CARMIL1: variants seen among roughly 807,000 people sequenced by gnomAD.
CARMIL1 encodes capping protein regulator and myosin 1 linker 1, also known as F-actin-uncapping protein LRRC16A.
In CARMIL1, 90 loss-of-function variants were observed where a neutral mutation model predicts 177.1. That is an observed-to-expected ratio of 0.51 (90% CI 0.43 to 0.61). The LOEUF is 0.61. CARMIL1 is among the 20% of genes least tolerant of loss of function. The probability of loss-of-function intolerance (pLI) is 0.00; values close to 1 mark genes in which losing one functional copy is unlikely to be tolerated. For missense variants in CARMIL1, 1,380 were observed against 1,667.0 expected (o/e 0.83, Z 3.00); for synonymous variants, 577 against 606.2 (o/e 0.95, Z 0.71).
At chr6:25,412,052 T>C (rs1007992953) in intron 2 of CARMIL1, among the ~76,000 whole-genome samples, 10 of 152,204 alleles carry the variant, frequency 6.6e-5, no homozygotes, top group African/African-American at 2.4e-4. Context: ...TTGTTCATGG[T>C]TAGGCCACTT....
At chr6:25,338,914 C>T (rs1405207903) in intron 2 of CARMIL1, among the ~76,000 whole-genome samples, 2 of 151,386 alleles carry the variant, frequency 1.3e-5, no homozygotes, top group African/African-American at 4.9e-5. Flanking sequence ...CCCATTGTTT[C>T]TGAATTTGAG....
intron 34 of CARMIL1, among the ~76,000 whole-genome samples, chr6:25,605,522 G>A (rs1815867501): frequency 6.6e-6 from 1 of 152,092 alleles, no homozygotes; most frequent in Admixed American, 6.5e-5. Context: ...TTTGCCAGTT[G>A]TCTTGTTAAA....
intron 11 of CARMIL1, chr6:25,479,122 A>G: frequency 1.9e-6 from 1 of 519,012 alleles, no homozygotes; most frequent in Non-Finnish European, 3.8e-6. Flanking sequence ...CACTACCAAG[A>G]TCAAGAGACA....
At chr6:25,304,543 AG>A (rs1339916181) in intron 2 of CARMIL1, among the ~76,000 whole-genome samples, 3 of 152,166 alleles carry the variant, frequency 2.0e-5, no homozygotes, top group Non-Finnish European at 4.4e-5. Context: ...AGTTCACAGT[AG>A]GGTTCACGCT....
At chr6:25,490,332 C>CAG (rs1050152518) in intron 13 of CARMIL1, among the ~76,000 whole-genome samples, 6 of 151,876 alleles carry the variant, frequency 4.0e-5, no homozygotes, top group Non-Finnish European at 8.8e-5. Context: ...GCCAGGCAAA[C>CAG]AGAGAGAGAG....
At chr6:25,325,028 T>C (rs1294940183) in intron 2 of CARMIL1, among the ~76,000 whole-genome samples, 1 of 152,136 alleles carries the variant, frequency 6.6e-6, no homozygotes, top group Non-Finnish European at 1.5e-5. Context: ...CTTCATCTGC[T>C]TTGGAGCTTG....
At chr6:25,316,970 C>T (rs758545319) in intron 2 of CARMIL1, among the ~76,000 whole-genome samples, 2 of 151,998 alleles carry the variant, frequency 1.3e-5, no homozygotes, top group Non-Finnish European at 2.9e-5. Context: ...AGCATTAGGC[C>T]CTTAGTTTTT....
At chr6:25,312,026 G>A (rs1259271515) in intron 2 of CARMIL1, among the ~76,000 whole-genome samples, 1 of 152,188 alleles carries the variant, frequency 6.6e-6, no homozygotes, top group Non-Finnish European at 1.5e-5. Context: ...TACAACAAAA[G>A]GGTAAAATAT....
At chr6:25,531,087 C>T (rs1454471533) in intron 24 of CARMIL1, among the ~76,000 whole-genome samples, 1 of 152,020 alleles carries the variant, frequency 6.6e-6, no homozygotes, top group East Asian at 1.9e-4. Flanking sequence ...GTTTTTATTT[C>T]GTGGAATCAA....
Position 25,554,073 on chromosome 6 carries a change from C to T in CARMIL1, c.2569C>T (p.Leu857Phe). 1 of 1,597,012 alleles carries T rather than the reference C, an allele frequency of 6.3e-7. No homozygotes were observed. Among genetic ancestry groups the T allele is most frequent in the South Asian group, 1.1e-5 (1 of 87,544 alleles). ...DRIVDEILDA[L>F]SHCHHKLADH... ...AATTGTGGATGAAATCCTGGATGCA[C>T]TCTCACATTGCCATCATAAACTGGT... Residue 857 changes from leucine (L) to phenylalanine (F), a missense_variant, in exon 28 of 37, where the codon CTC becomes TTC. Physicochemically the swap from Leu to Phe is conservative, Grantham distance 22. Transcript: ENST00000329474. This position sits in a 1 kb window ranked among gnomAD's most constrained non-coding sequence, Gnocchi z 4.6.
intron 4 of CARMIL1, among the ~76,000 whole-genome samples, chr6:25,427,725 G>T (rs192548749): frequency 7.7e-4 from 118 of 152,274 alleles, no homozygotes; most frequent in African/African-American, 2.4e-3. Context: ...CACTGGTATA[G>T]TCAGTCTTTT....
chr6:25,405,031 G>A (rs9461161), intron 2 of CARMIL1, among the ~76,000 whole-genome samples: 67,696 of 137,648 alleles, frequency 0.49, 15,377 homozygotes, highest in Middle Eastern at 0.63. Context: ...ACCCGTCAAC[G>A]TTTCACTTCC....
At position 25,488,470 on chromosome 6, in the gene CARMIL1, T is replaced by C. The variant is rs1304132376; in HGVS notation, c.962-12T>C. On this transcript the variant is annotated splice_polypyrimidine_tract_variant and intron_variant, in intron 12 of 36. Coordinates refer to ENST00000329474, the MANE Select transcript of CARMIL1 (RefSeq NM_017640.6). ...GAGTGCAAACTGAGCCTGGATTTTC[T>C]TGATGTTGCAGGGGTGAACAGCCTT... 6.2e-7 allele frequency: 1 copy of C among 1,608,104 alleles called. No homozygotes were observed.
intron 23 of CARMIL1, among the ~76,000 whole-genome samples, chr6:25,522,120 C>T (rs1011216970): frequency 1.3e-5 from 2 of 152,190 alleles, no homozygotes. Context: ...ATTAGCTTTC[C>T]TTCCCTCTGT....
intron 26 of CARMIL1, among the ~76,000 whole-genome samples, chr6:25,540,846 A>T (rs573791975): frequency 6.6e-6 from 1 of 152,360 alleles, no homozygotes; most frequent in Non-Finnish European, 1.5e-5. Context: ...ATAACTTTGC[A>T]GCATGTTAAT....
Position 25,606,076 on chromosome 6 carries a change from C to T in CARMIL1, c.3650C>T (p.Pro1217Leu), listed in dbSNP as rs1363109139. 2 of 1,613,538 alleles carry T rather than the reference C, an allele frequency of 1.2e-6. No individual in the cohort carries two copies. Among genetic ancestry groups the T allele is most frequent in the African/African-American group, 1.3e-5 (1 of 75,002 alleles). Reference protein sequence around the residue: ...DGGGAVPKLHPGLPENRFGLG... With the variant: ...DGGGAVPKLHLGLPENRFGLG... Reference sequence around the variant, plus strand: ...TTCATCTTAGTGCCTAAACTGCACCCAGGTCTTCCAGAGAACCGCTTTGGT... The same window carrying T: ...TTCATCTTAGTGCCTAAACTGCACCTAGGTCTTCCAGAGAACCGCTTTGGT... The change falls in exon 35 of 37, where the codon CCA becomes CTA. Residue 1217 changes from proline to leucine, a missense_variant. Coordinates refer to ENST00000329474, the MANE Select transcript of CARMIL1 (RefSeq NM_017640.6).
chr6:25,413,354 C>T (rs1297622660), intron 2 of CARMIL1, among the ~76,000 whole-genome samples: 1 of 152,178 alleles, frequency 6.6e-6, no homozygotes, highest in Non-Finnish European at 1.5e-5. Context: ...TCCTGGTAAT[C>T]TGCATGAGAG....
At position 25,551,070 on chromosome 6, in the gene CARMIL1, T is replaced by A. The variant is rs1250338706; in HGVS notation, c.2489T>A (p.Ile830Asn). ...NVLLEQSGIDILNKISEVKLT... is the reference protein window; with the variant it reads ...NVLLEQSGIDNLNKISEVKLT... ...CTGTTGGAGCAGTCTGGAATTGATA[T>A]CCTTAACAAAATTAGGTAGGTTTAT... Residue 830 changes from isoleucine (I) to asparagine (N), a missense_variant, in exon 27 of 37, where the codon ATC becomes AAC. Transcript: ENST00000329474. The A allele has an allele frequency of 6.2e-7, 1 of 1,612,652 alleles. No individual in the cohort carries two copies. Among genetic ancestry groups the A allele is most frequent in the Non-Finnish European group, 8.5e-7 (1 of 1,179,302 alleles).
intron 4 of CARMIL1, among the ~76,000 whole-genome samples, chr6:25,433,813 C>G (rs1797009451): frequency 6.6e-6 from 1 of 152,154 alleles, no homozygotes; most frequent in African/African-American, 2.4e-5. Flanking sequence ...TTATTTATAT[C>G]CTTTTCTTTG....
Sources: gnomAD v4.1 joint callset for allele counts (sites outside exome capture counted in the v4.1 genomes callset) on GRCh38, gnomAD v4.1.1 for gene constraint, Gnocchi (gnomAD v3.1) non-coding constraint, MANE v1.5 for transcripts, NCBI Gene and HGNC (gene_info 2026-07-23, HGNC 2026-07-21) for gene names.